The following CCDC69 variants were observed in gnomAD, a reference collection of about 807,000 sequenced individuals.
CCDC69 encodes the protein coiled-coil domain containing 69, also known as coiled-coil domain-containing protein 69.
Under a neutral mutation model 40.3 loss-of-function variants are expected in CCDC69, and 38 were observed. The observed-to-expected ratio is 0.94, with a 90% confidence interval of 0.73 to 1.24. The LOEUF is 1.24. Among genes scored for constraint, CCDC69 ranks in the 50% most tolerant of loss-of-function variants. The pLI is 0.00. For synonymous variants in CCDC69, 141 were observed against 138.9 expected (o/e 1.02, Z -0.11); for missense variants, 389 against 357.9 (o/e 1.09, Z -0.70).
At chr5:151,186,613 A>G (rs756874293) in intron 5 of CCDC69, among the ~76,000 whole-genome samples, 6 of 152,140 alleles carry the variant, frequency 3.9e-5, no homozygotes, top group Non-Finnish European at 8.8e-5. Flanking sequence ...ACCAGGCTCA[A>G]TGAATTTTTC....
chr5:151,214,172 G>C (rs541995244), intron 1 of CCDC69, among the ~76,000 whole-genome samples: 1 of 152,176 alleles, frequency 6.6e-6, no homozygotes, highest in African/African-American at 2.4e-5. Context: ...GAGCCTGTAG[G>C]GGAGAGGTGA....
chr5:151,223,923 C>T lies in CCDC69; in HGVS notation c.48G>A (p.Lys16=), dbSNP rs774563409. 9 of 1,585,272 alleles carry T rather than the reference C, an allele frequency of 5.7e-6. No homozygotes were observed. In the African/African-American group the frequency reaches 1.1e-4, roughly 20 times the overall value. The change falls in exon 1 of 9, where the codon AAG becomes AAA. Residue 16 remains lysine (K), a splice_region_variant and synonymous_variant. Transcript: ENST00000355417. ...AAACTTCTCCGCCGGCGCCCTTTAC[C>T]TTTTTCGGGGGTTTGCAGCTGCTCA... ...SRLSSCKPPK[K]KRQEPEPEQP...
At chr5:151,185,073 C>T (rs72660299) in intron 7 of CCDC69, 18,858 of 173,976 alleles carry the variant, frequency 0.11, 1,320 homozygotes, top group East Asian at 0.21. Flanking sequence ...GTAAGGCACA[C>T]AGGAGGCCAG....
Position 151,183,495 on chromosome 5 carries a change from G to A in CCDC69, c.833C>T (p.Ser278Leu), listed in dbSNP as rs747782798. The A allele has an allele frequency of 1.2e-5, 19 of 1,607,402 alleles. No homozygotes were observed. The highest frequency in any genetic ancestry group is 8.5e-5 in the Admixed American group (5 of 58,654). The change falls in exon 9 of 9, where the codon TCG becomes TTG. Residue 278 changes from serine (S) to leucine (L), a missense_variant. By Grantham distance (145) the Ser-to-Leu change is moderately radical. Coordinates refer to ENST00000355417, the MANE Select transcript of CCDC69 (RefSeq NM_015621.3). ...LLYRVLGANA[S>L]PAFPLAPVTP... ...GACAGGGGCCAGAGGGAAGGCAGGC[G>A]AGGCATTGGCCCCAAGGACCCGGTA...
At chr5:151,198,844 C>T (rs1178278837) in intron 4 of CCDC69, 153 bp downstream of exon 4, 6 of 660,248 alleles carry the variant, frequency 9.1e-6, no homozygotes, top group East Asian at 2.6e-5. Flanking sequence ...TCCATCAACC[C>T]TCTAGGGCCA....
intron 1 of CCDC69, among the ~76,000 whole-genome samples, chr5:151,213,531 C>T (rs570767354): frequency 4.9e-4 from 75 of 152,146 alleles, no homozygotes; most frequent in African/African-American, 1.8e-3. Context: ...GGATTATAGG[C>T]GTGAGCCACC....
At chr5:151,201,762 G>A (rs192653196) in intron 2 of CCDC69, 74 bp from the exon 3 acceptor site, 2 of 954,968 alleles carry the variant, frequency 2.1e-6, no homozygotes, top group Admixed American at 2.3e-5. Context: ...CTGGCAGAGA[G>A]AGTGTGGGAA....
chr5:151,190,558 T>TTGG (rs1237452172), intron 4 of CCDC69, among the ~76,000 whole-genome samples: 1 of 149,654 alleles, frequency 6.7e-6, no homozygotes, highest in East Asian at 2.0e-4. Flanking sequence ...TTCAGCTACT[T>TTGG]GGGAGGCTGA....
chr5:151,208,667 C>T (rs1752886813), intron 1 of CCDC69, among the ~76,000 whole-genome samples: 1 of 152,234 alleles, frequency 6.6e-6, no homozygotes, highest in Non-Finnish European at 1.5e-5. Flanking sequence ...GTGACAGCAG[C>T]CAGCCTCCCC....
In CCDC69 at chr5:151,183,536, C is replaced by T; in HGVS notation, c.792G>A (p.Glu264=). Reference sequence around the variant, plus strand: ...GGACCCGGTACAACAGCTCCTCCTTCTCCTGCTGGAGCTGTCGCCGCAGCT... The same window carrying T: ...GGACCCGGTACAACAGCTCCTCCTTTTCCTGCTGGAGCTGTCGCCGCAGCT... ...EVQLRRQLQQ[E]KEELLYRVLG... Residue 264 remains glutamate (E), a synonymous_variant, in exon 9 of 9, where the codon GAG becomes GAA. Transcript: ENST00000355417. 1 of 1,611,078 alleles carries T rather than the reference C, an allele frequency of 6.2e-7. No homozygotes were observed. Among genetic ancestry groups the T allele is most frequent in the Non-Finnish European group, 8.5e-7 (1 of 1,179,116 alleles).
At chr5:151,200,736 C>T (rs756739505) in intron 3 of CCDC69, among the ~76,000 whole-genome samples, 1 of 152,174 alleles carries the variant, frequency 6.6e-6, no homozygotes, top group Non-Finnish European at 1.5e-5. Flanking sequence ...TGTTTCATGG[C>T]CTTGACATTT....
intron 2 of CCDC69, among the ~76,000 whole-genome samples, chr5:151,204,590 C>CA (rs1252842055): frequency 6.6e-6 from 1 of 152,236 alleles, no homozygotes; most frequent in Non-Finnish European, 1.5e-5. Flanking sequence ...CTGTATCACA[C>CA]TAAACAAGGC....
At chr5:151,204,366 T>G (rs573057472) in intron 2 of CCDC69, among the ~76,000 whole-genome samples, 1 of 152,310 alleles carries the variant, frequency 6.6e-6, no homozygotes, top group African/African-American at 2.4e-5. Context: ...CAGATTGGAT[T>G]TTGTGGTCCA....
At chr5:151,183,741 G>T (rs12518395) in intron 8 of CCDC69, 127 bp from the exon 9 acceptor site, 160,088 of 787,600 alleles carry the variant, frequency 0.2, 18,173 homozygotes, top group Admixed American at 0.36. Context: ...TGCCCTCCTT[G>T]TTGGCCTGTA....
intron 2 of CCDC69, among the ~76,000 whole-genome samples, chr5:151,203,505 G>A (rs76398517): frequency 1.7e-4 from 24 of 145,406 alleles, no homozygotes; most frequent in African/African-American, 2.8e-4. Context: ...GTGAAACTCC[G>A]TCTCAAAAAA....
At chr5:151,215,620 C>A in intron 1 of CCDC69, 1 of 423,584 alleles carries the variant, frequency 2.4e-6, no homozygotes, top group East Asian at 7.7e-5. Flanking sequence ...ACCTGGAGCC[C>A]TCCACACCAT....
chr5:151,207,669 T>G (rs975506314), intron 1 of CCDC69, among the ~76,000 whole-genome samples: 2 of 152,168 alleles, frequency 1.3e-5, no homozygotes, highest in African/African-American at 4.8e-5. Flanking sequence ...AGGAAAAGCT[T>G]AAGAACAGTC....
chr5:151,189,121 T>G (rs977411934), intron 4 of CCDC69, among the ~76,000 whole-genome samples: 4 of 152,166 alleles, frequency 2.6e-5, no homozygotes, highest in African/African-American at 9.7e-5. Context: ...ATCCTATAGA[T>G]GTAGGAATTA....
At position 151,203,667 on chromosome 5, in the gene CCDC69, A is replaced by AT. The variant is rs959710109; in HGVS notation, c.124+1732_124+1733insA. ...CAGCTTCTGCATATTTAGTATATAT[A>AT]AAAAATAGTATATATAATAAAATAT... On this transcript the variant is annotated intron_variant, in intron 2 of 8. Transcript: ENST00000355417. Among the ~76,000 whole-genome samples, 74 of 139,656 alleles carry AT rather than the reference A, an allele frequency of 5.3e-4. 1 individual carries two copies. The East Asian group carries it at 0.011, about 21-fold the overall frequency. 91.6% of individuals were successfully genotyped at this position (139,656 alleles called of 152,430 possible).
Sources: gnomAD v4.1 joint callset for allele counts (sites outside exome capture counted in the v4.1 genomes callset) on GRCh38, gnomAD v4.1.1 for gene constraint, MANE v1.5 for transcripts, NCBI Gene and HGNC (gene_info 2026-07-23, HGNC 2026-07-21) for gene names.